Variants in JPH2 observed in about 807,000 individuals in gnomAD.
JPH2 encodes the protein junctophilin-2.
Under a neutral mutation model 55.9 loss-of-function variants are expected in JPH2, and 38 were observed. The observed-to-expected ratio is 0.68, with a 90% CI of 0.52 to 0.89. JPH2 has a LOEUF of 0.89. Ranked by LOEUF, JPH2 falls within the 40% of genes least tolerant of loss-of-function variation. The pLI, the probability that JPH2 is intolerant of heterozygous loss-of-function variation, is 0.00. For synonymous variants in JPH2, 480 were observed against 472.4 expected (o/e 1.02, Z -0.21); for missense variants, 964 against 1,037.6 (o/e 0.93, Z 0.97).
At chr20:44,146,576 C>A (rs1156850137) in intron 2 of JPH2, among the ~76,000 whole-genome samples, 1 of 152,150 alleles carries the variant, frequency 6.6e-6, no homozygotes, top group Non-Finnish European at 1.5e-5. Flanking sequence ...GGGTCGGGGG[C>A]CTTTCCAATG....
chr20:44,130,801 C>G (rs1197850766), intron 2 of JPH2, among the ~76,000 whole-genome samples: 1 of 152,182 alleles, frequency 6.6e-6, no homozygotes, highest in East Asian at 1.9e-4. Context: ...CTTGTCTGTC[C>G]AGGTGCACAC....
intron 2 of JPH2, among the ~76,000 whole-genome samples, chr20:44,157,733 G>A (rs2072575709): frequency 6.6e-6 from 1 of 152,218 alleles, no homozygotes; most frequent in Admixed American, 6.5e-5. Context: ...CAGGCCAACT[G>A]ATCTGCCCAC....
rs922899684 is a variant in JPH2, at chr20:44,107,961, T to C, written c.*5557A>G. On this transcript the variant is annotated 3_prime_UTR_variant, in exon 6 of 6. Transcript: ENST00000372980. ...CACAGCTTATGCTAACCAGATGGCT[T>C]ATAGTGAGTGCTGGCCATGCCAGAA... is the stretch of plus-strand genomic sequence containing the variant. Among the ~76,000 whole-genome samples the C allele has an allele frequency of 1.3e-5, 2 of 152,198 alleles. No individual in the cohort carries two copies. Among genetic ancestry groups the C allele is most frequent in the African/African-American group, 4.8e-5 (2 of 41,450 alleles).
intron 2 of JPH2, among the ~76,000 whole-genome samples, chr20:44,125,668 A>G (rs2072270309): frequency 1.3e-5 from 2 of 152,210 alleles, no homozygotes; most frequent in Non-Finnish European, 2.9e-5. Context: ...AAGTCCATGG[A>G]TGAGCAGGGG....
chr20:44,166,472 C>T (rs1404439351), intron 1 of JPH2, among the ~76,000 whole-genome samples: 6 of 152,324 alleles, frequency 3.9e-5, no homozygotes, highest in African/African-American at 1.4e-4. Context: ...AATCAACCAA[C>T]CTACCTTTAG....
At position 44,106,849 on chromosome 20, in the gene JPH2, G is replaced by C. The variant is rs2072112160; in HGVS notation, c.*6669C>G. On this transcript the variant is annotated 3_prime_UTR_variant, in exon 6 of 6. Transcript: ENST00000372980. ...GGTCCCTCCCACAACGTGTGGGTGG[G>C]AATTTAAGATGAGATTTGGGTGAGA... 6.6e-6 allele frequency among the ~76,000 whole-genome samples: 1 copy of C among 152,084 alleles called. No individual in the cohort carries two copies. The highest frequency in any genetic ancestry group is 1.5e-5 in the Non-Finnish European group (1 of 68,020).
At chr20:44,174,096 C>T (rs6073358) in intron 1 of JPH2, among the ~76,000 whole-genome samples, 11,737 of 152,254 alleles carry the variant, frequency 0.077, 548 homozygotes, top group Middle Eastern at 0.11. Flanking sequence ...CCGCAGGTAG[C>T]CACACCCAAT....
chr20:44,162,781 TATATATACACAC>T (rs1196587024), intron 1 of JPH2, among the ~76,000 whole-genome samples: 44 of 70,012 alleles, frequency 6.3e-4, no homozygotes, highest in Non-Finnish European at 8.6e-4. Flanking sequence ...TATATATATA[TATATATACACAC>T]ACACACACAC....
chr20:44,121,695 T>C (rs1229529127), intron 2 of JPH2, among the ~76,000 whole-genome samples: 1 of 152,060 alleles, frequency 6.6e-6, no homozygotes, highest in East Asian at 1.9e-4. Context: ...AGGAGTATTC[T>C]AAAGAACCCA....
chr20:44,109,632 C>A lies in JPH2; in HGVS notation c.*3886G>T, dbSNP rs1331140468. Among the ~76,000 whole-genome samples the A allele has an allele frequency of 6.6e-6, 1 of 152,220 alleles. No homozygotes were observed. The highest frequency in any genetic ancestry group is 1.5e-5 in the Non-Finnish European group (1 of 68,044). On this transcript the variant is annotated 3_prime_UTR_variant, in exon 6 of 6. Coordinates refer to ENST00000372980, the MANE Select transcript of JPH2 (RefSeq NM_020433.5). ...GGCATAGTCAGAGTTTTGCACAAAA[C>A]AAGAACCTAAGAGCTATTTTAATTT... is the stretch of plus-strand genomic sequence containing the variant.
chr20:44,113,776 G>A (rs1270185376), intron 5 of JPH2, among the ~76,000 whole-genome samples: 1 of 152,006 alleles, frequency 6.6e-6, no homozygotes, highest in Non-Finnish European at 1.5e-5. Context: ...CTCCCCCACT[G>A]TCATCTGGTT....
intron 2 of JPH2, among the ~76,000 whole-genome samples, chr20:44,153,979 C>T (rs1177683577): frequency 1.3e-5 from 2 of 152,158 alleles, no homozygotes; most frequent in Non-Finnish European, 2.9e-5. Flanking sequence ...AACATACCAG[C>T]TTCCCTCCAC....
chr20:44,151,599 G>A (rs562587473), intron 2 of JPH2, among the ~76,000 whole-genome samples: 3 of 152,262 alleles, frequency 2.0e-5, no homozygotes, highest in African/African-American at 7.2e-5. Context: ...CTAGGAAGGG[G>A]CAGCTTCCCC....
intron 2 of JPH2, among the ~76,000 whole-genome samples, chr20:44,131,913 C>A (rs1023333650): frequency 1.4e-4 from 22 of 152,152 alleles, no homozygotes; most frequent in African/African-American, 5.1e-4. Context: ...CCTTCAGGAC[C>A]CTACCCCAGG....
intron 2 of JPH2, among the ~76,000 whole-genome samples, chr20:44,145,379 C>T (rs924389763): frequency 8.6e-5 from 13 of 152,012 alleles, no homozygotes; most frequent in Admixed American, 2.6e-4. Flanking sequence ...CCGAGGTGGG[C>T]GGATCACCTG....
chr20:44,132,156 T>G (rs2072323314), intron 2 of JPH2, among the ~76,000 whole-genome samples: 1 of 152,166 alleles, frequency 6.6e-6, no homozygotes, highest in South Asian at 2.1e-4. Flanking sequence ...AGATTGATCT[T>G]TGTGTATGAC....
intron 1 of JPH2, among the ~76,000 whole-genome samples, chr20:44,167,829 C>T (rs1446433386): frequency 6.6e-6 from 1 of 152,192 alleles, no homozygotes; most frequent in Non-Finnish European, 1.5e-5. Context: ...ATTTGACAAG[C>T]TAGATGAAGA....
chr20:44,111,290 C>T lies in JPH2; in HGVS notation c.*2228G>A, dbSNP rs2072141865. Reference sequence around the variant, plus strand: ...GTGATAACAACACTCGTCTCCATTTCTCCACTGCTTTCTACAGCCTCAACA... The same window carrying T: ...GTGATAACAACACTCGTCTCCATTTTTCCACTGCTTTCTACAGCCTCAACA... On this transcript the variant is annotated 3_prime_UTR_variant, in exon 6 of 6. Transcript: ENST00000372980. Among the ~76,000 whole-genome samples, 1 of 152,226 alleles carries T rather than the reference C, an allele frequency of 6.6e-6. No individual in the cohort carries two copies. Among genetic ancestry groups the T allele is most frequent in the Non-Finnish European group, 1.5e-5 (1 of 68,040 alleles).
At chr20:44,117,143 G>A (rs2002530) in intron 3 of JPH2, among the ~76,000 whole-genome samples, 34,371 of 152,150 alleles carry the variant, frequency 0.23, 4,742 homozygotes, top group African/African-American at 0.39. Flanking sequence ...GCTGGGCATG[G>A]TGGCGCGTGC....
Sources: allele counts gnomAD v4.1 joint callset (sites outside exome capture counted in the v4.1 genomes callset), GRCh38; gene constraint gnomAD v4.1.1; transcripts MANE v1.5; gene names NCBI Gene and HGNC (gene_info 2026-07-23, HGNC 2026-07-21).